SHOC1: variants seen among roughly 807,000 people sequenced by gnomAD.
SHOC1 encodes shortage in chiasmata 1.
In SHOC1, 136 loss-of-function variants were observed where a neutral mutation model predicts 179.2. The ratio of observed to expected loss-of-function variants is 0.76; its 90% CI spans 0.66 to 0.87. The LOEUF (loss-of-function observed/expected upper bound fraction) is 0.87, where lower values mean the gene tolerates loss of function less well. Ranked by LOEUF, SHOC1 falls within the 40% of genes least tolerant of loss-of-function variation. The pLI, the probability that SHOC1 is intolerant of heterozygous loss-of-function variation, is 0.00. For missense variants in SHOC1, 1,538 were observed against 1,700.8 expected (o/e 0.90, Z 1.68); for synonymous variants, 489 against 586.6 (o/e 0.83, Z 2.41).
rs1833694200 is a variant in SHOC1, at chr9:111,733,741, G to A, written c.1417+4539C>T. On this transcript the variant is annotated intron_variant, in intron 12 of 27. Coordinates refer to ENST00000682961, the MANE Select transcript of SHOC1 (RefSeq NM_001378211.1). ...AAATTAGCCAGGCACGGTGGCGCGT[G>A]GCTGTAGTCCCAGCTACTTGAGAGG... Among the ~76,000 whole-genome samples, 3 of 152,054 alleles carry A rather than the reference G, an allele frequency of 2.0e-5. No individual in the cohort carries two copies. The South Asian group carries it at 6.2e-4, about 31-fold the overall frequency.
At chr9:111,744,501 A>C (rs1834180664) in intron 10 of SHOC1, among the ~76,000 whole-genome samples, 1 of 152,162 alleles carries the variant, frequency 6.6e-6, no homozygotes, top group Non-Finnish European at 1.5e-5. Flanking sequence ...CATTAATAGA[A>C]GCCTAAGCAG....
chr9:111,749,482 AT>A (rs975342948), intron 8 of SHOC1, among the ~76,000 whole-genome samples: 22 of 147,294 alleles, frequency 1.5e-4, no homozygotes, highest in South Asian at 2.2e-4. Flanking sequence ...AGTTTTTTTT[AT>A]TTTTTTTTTC....
chr9:111,724,211 T>G (rs1833196107), intron 13 of SHOC1, among the ~76,000 whole-genome samples: 1 of 152,212 alleles, frequency 6.6e-6, no homozygotes, highest in Admixed American at 6.5e-5. Flanking sequence ...GTACAGCTTC[T>G]GACACAGAAA....
intron 12 of SHOC1, among the ~76,000 whole-genome samples, chr9:111,729,117 T>TC (rs200796085): frequency 0.01 from 1,588 of 152,160 alleles, 30 homozygotes; most frequent in African/African-American, 0.036. Flanking sequence ...GGTTCTTTTT[T>TC]CTTTTTTTTT....
intron 23 of SHOC1, 74 bp downstream of exon 23, chr9:111,702,031 C>T: frequency 9.4e-7 from 1 of 1,062,610 alleles, no homozygotes; most frequent in East Asian, 2.8e-5. Context: ...ATTGCATAGC[C>T]ATTTCCATTC....
chr9:111,782,997 C>G (rs1444806104), intron 3 of SHOC1, among the ~76,000 whole-genome samples: 1 of 152,232 alleles, frequency 6.6e-6, no homozygotes, highest in Non-Finnish European at 1.5e-5. Context: ...ACTTCTCTAA[C>G]TGTGCTCTTG....
intron 27 of SHOC1, among the ~76,000 whole-genome samples, 177 bp from the exon 28 acceptor site, chr9:111,687,047 A>C (rs1831206469): frequency 6.6e-6 from 1 of 151,186 alleles, no homozygotes; most frequent in African/African-American, 2.4e-5. Flanking sequence ...CCTGGGTTCA[A>C]GCGATTCTCC....
At chr9:111,757,108 TTTTTGTG>T (rs760871949) in intron 7 of SHOC1, among the ~76,000 whole-genome samples, 127 of 152,232 alleles carry the variant, frequency 8.3e-4, no homozygotes, top group Middle Eastern at 3.4e-3. Flanking sequence ...AAAAAAATGT[TTTTTGTG>T]TTTTGTTTTT....
chr9:111,706,454 G>A, intron 20 of SHOC1, 114 bp downstream of exon 20: 1 of 686,234 alleles, frequency 1.5e-6, no homozygotes, highest in Non-Finnish European at 2.2e-6. Flanking sequence ...GGGGTTAGAG[G>A]TTGAACTCAA....
At chr9:111,777,291 T>C (rs151311750) in intron 4 of SHOC1, among the ~76,000 whole-genome samples, 136 of 152,326 alleles carry the variant, frequency 8.9e-4, no homozygotes, top group Non-Finnish European at 1.7e-3. Flanking sequence ...AACCAAAATT[T>C]CTAATCTTGT....
chr9:111,708,830 A>T (rs1832397116), intron 18 of SHOC1, among the ~76,000 whole-genome samples: 1 of 152,244 alleles, frequency 6.6e-6, no homozygotes, highest in Non-Finnish European at 1.5e-5. Flanking sequence ...TTTGGTAGAC[A>T]TAATTGATTC....
Position 111,706,550 on chromosome 9 carries a change from T to G in SHOC1, c.2737+18A>C. The stretch of plus-strand genomic sequence containing the variant: ...CATTCTAATAAAGCAAAAAAAGGAT[T>G]TTGGCTTATATTCTTACTTTCTAAA... On this transcript the variant is annotated intron_variant, in intron 20 of 27. Coordinates refer to ENST00000682961, the MANE Select transcript of SHOC1 (RefSeq NM_001378211.1). 4 of 1,467,640 alleles carry G rather than the reference T, an allele frequency of 2.7e-6. No individual in the cohort carries two copies. Among genetic ancestry groups the G allele is most frequent in the Non-Finnish European group, 3.6e-6 (4 of 1,106,030 alleles). The allele number at this position is 1,467,640 out of a possible 1,614,324, so 90.9% of individuals were successfully genotyped here.
At chr9:111,793,059 T>G (rs184097196) in intron 1 of SHOC1, among the ~76,000 whole-genome samples, 1 of 152,158 alleles carries the variant, frequency 6.6e-6, no homozygotes, top group Non-Finnish European at 1.5e-5. Context: ...ATTTTTTGTA[T>G]ATTTAGTAGA....
At chr9:111,722,019 A>C (rs1833075492) in intron 15 of SHOC1, among the ~76,000 whole-genome samples, 1 of 152,188 alleles carries the variant, frequency 6.6e-6, no homozygotes. Flanking sequence ...AGGAGGGTAA[A>C]TCTAGTCCCT....
chr9:111,794,868 C>T (rs1414081044), intron 1 of SHOC1, 32 bp downstream of exon 1: 1 of 152,516 alleles, frequency 6.6e-6, no homozygotes, highest in East Asian at 1.9e-4. Flanking sequence ...AAATCACCCT[C>T]TCTCCTGCCT....
At chr9:111,699,106 G>C (rs1474001343) in intron 24 of SHOC1, among the ~76,000 whole-genome samples, 1 of 152,154 alleles carries the variant, frequency 6.6e-6, no homozygotes. Flanking sequence ...TATATGTGAT[G>C]AAGTGGGGAA....
chr9:111,695,549 A>G (rs1831650899), intron 24 of SHOC1, among the ~76,000 whole-genome samples: 1 of 152,154 alleles, frequency 6.6e-6, no homozygotes, highest in African/African-American at 2.4e-5. Context: ...TTACATAAAC[A>G]CGCTCTTTGA....
intron 5 of SHOC1, among the ~76,000 whole-genome samples, chr9:111,765,102 C>G (rs1434962611): frequency 6.7e-6 from 1 of 149,984 alleles, no homozygotes; most frequent in Non-Finnish European, 1.5e-5. Context: ...GATCACGCCA[C>G]TGCACTCCAG....
chr9:111,791,350 G>C, intron 2 of SHOC1, 24 bp downstream of exon 2: 1 of 1,359,926 alleles, frequency 7.4e-7, no homozygotes, highest in Non-Finnish European at 9.8e-7. Flanking sequence ...TCAGTAAATA[G>C]ACAGTAAGCC....
Sources: gnomAD v4.1 joint callset for allele counts (sites outside exome capture counted in the v4.1 genomes callset) on GRCh38, gnomAD v4.1.1 for gene constraint, MANE v1.5 for transcripts, NCBI Gene and HGNC (gene_info 2026-07-23, HGNC 2026-07-21) for gene names.